TNR: variants seen among roughly 807,000 people sequenced by gnomAD.
The protein encoded by TNR is tenascin-R.
A neutral mutation model predicts 150.4 loss-of-function variants in TNR; 45 were observed. The ratio of observed to expected loss-of-function variants is 0.30; its 90% CI spans 0.24 to 0.38. The LOEUF (loss-of-function observed/expected upper bound fraction) is 0.38, where lower values mean the gene tolerates loss of function less well. Ranked by LOEUF, TNR falls within the 10% of genes least tolerant of loss-of-function variation. The pLI is 1.00. For missense variants in TNR, 1,544 were observed against 1,759.1 expected (o/e 0.88, Z 2.19); for synonymous variants, 687 against 678.4 (o/e 1.01, Z -0.20).
intron 12 of TNR, 57 bp downstream of exon 12, chr1:175,364,953 T>G (rs1651762292): frequency 6.5e-7 from 1 of 1,532,354 alleles, no homozygotes; most frequent in Admixed American, 2.1e-5. Flanking sequence ...CATTGATTTG[T>G]CAAAGGCTAC....
chr1:175,501,633 A>G (rs867079210), intron 2 of TNR, among the ~76,000 whole-genome samples: 4 of 152,250 alleles, frequency 2.6e-5, no homozygotes, highest in African/African-American at 7.2e-5. Flanking sequence ...AGTAGAAGAC[A>G]AATACGGCCA....
At chr1:175,404,767 A>G (rs568486218) in intron 3 of TNR, among the ~76,000 whole-genome samples, 32 of 152,252 alleles carry the variant, frequency 2.1e-4, no homozygotes, top group Non-Finnish European at 3.8e-4. Flanking sequence ...GTCCATGCTC[A>G]TGGAAACCTA....
intron 2 of TNR, among the ~76,000 whole-genome samples, chr1:175,494,988 A>G (rs1658423998): frequency 6.6e-6 from 1 of 152,208 alleles, no homozygotes; most frequent in Non-Finnish European, 1.5e-5. Flanking sequence ...CTTCATGTAC[A>G]GGAGACCTCT....
chr1:175,563,521 A>G (rs1277310456), intron 1 of TNR, among the ~76,000 whole-genome samples: 3 of 152,164 alleles, frequency 2.0e-5, no homozygotes, highest in East Asian at 1.9e-4. Context: ...CACAAGCCCA[A>G]TTTCTCCCTT....
chr1:175,705,866 C>T (rs2101930909), intron 1 of TNR, among the ~76,000 whole-genome samples: 1 of 152,216 alleles, frequency 6.6e-6, no homozygotes, highest in South Asian at 2.1e-4. Flanking sequence ...ATTAGATATC[C>T]ACTAAGTTCT....
At chr1:175,555,880 T>G (rs1661138357) in intron 1 of TNR, among the ~76,000 whole-genome samples, 1 of 152,234 alleles carries the variant, frequency 6.6e-6, no homozygotes, top group Non-Finnish European at 1.5e-5. Context: ...TGTGTGGCTA[T>G]AAGATTATCA....
At chr1:175,684,105 G>A (rs190021781) in intron 1 of TNR, among the ~76,000 whole-genome samples, 2 of 152,342 alleles carry the variant, frequency 1.3e-5, no homozygotes, top group African/African-American at 4.8e-5. Context: ...TCTGTGCTGG[G>A]TGTGTGCATC....
At chr1:175,521,692 T>C (rs1375634571) in intron 2 of TNR, among the ~76,000 whole-genome samples, 1 of 152,196 alleles carries the variant, frequency 6.6e-6, no homozygotes, top group Non-Finnish European at 1.5e-5. Context: ...TGAGGTGTCA[T>C]GCTCATTTGG....
Position 175,355,515 on chromosome 1 carries a change from A to G in TNR, c.3237T>C (p.Asp1079=), listed in dbSNP as rs2228359. 1,109,828 of 1,613,486 alleles carry G rather than the reference A, an allele frequency of 0.69. 383,955 individuals are homozygous for G. Among genetic ancestry groups the G allele is most frequent in the East Asian group, 0.83 (37,395 of 44,864 alleles). The change falls in exon 17 of 23, where the codon GAT becomes GAC. Residue 1079 remains aspartate, a synonymous_variant. Coordinates refer to ENST00000367674, the MANE Select transcript of TNR (RefSeq NM_003285.3). ...AGCAAAATCTCACCTTGCGGCTTCC[A>G]TCGGTGGATTTGTAGGTCAAGACAT... ...ENYVLTYKST[D]GSRKELIVDA...
chr1:175,438,123 T>A (rs57443533), intron 2 of TNR, among the ~76,000 whole-genome samples: 31,986 of 151,810 alleles, frequency 0.21, 4,115 homozygotes, highest in African/African-American at 0.37. Context: ...GATGCAAAAA[T>A]CCTCAATAAA....
chr1:175,330,973 G>A (rs565811307), intron 20 of TNR, among the ~76,000 whole-genome samples: 16 of 151,798 alleles, frequency 1.1e-4, no homozygotes, highest in Non-Finnish European at 2.4e-4. Context: ...CCCCAGGTTA[G>A]GCAGAGTCCA....
At chr1:175,540,763 T>C (rs1660470709) in intron 1 of TNR, among the ~76,000 whole-genome samples, 1 of 152,072 alleles carries the variant, frequency 6.6e-6, no homozygotes, top group Non-Finnish European at 1.5e-5. Context: ...GTTCACCGCC[T>C]CTACCTCCTT....
At chr1:175,376,860 TTATATA>T (rs371694471) in intron 9 of TNR, among the ~76,000 whole-genome samples, 10 of 113,708 alleles carry the variant, frequency 8.8e-5, no homozygotes, top group Non-Finnish European at 1.7e-4. Flanking sequence ...AAATGTAATA[TTATATA>T]TATATATATA....
At chr1:175,708,340 C>A (rs975516566) in intron 1 of TNR, among the ~76,000 whole-genome samples, 24 of 152,162 alleles carry the variant, frequency 1.6e-4, no homozygotes, top group African/African-American at 5.6e-4. Flanking sequence ...GAATAATGAT[C>A]TGATGCCTAG....
In TNR at chr1:175,386,156, C is replaced by A; in HGVS notation, c.1653G>T (p.Arg551=). The change falls in exon 8 of 23, where the codon CGG becomes CGT. Residue 551 remains arginine, a synonymous_variant. Coordinates refer to ENST00000367674, the MANE Select transcript of TNR (RefSeq NM_003285.3). ...AGTATTGGCTCAGGGGAGGCTGCAG[C>A]CGGAAGGTGGTCCTCCCACCTTCCC... The part of the protein sequence containing the change: ...VGGEGGRTTF[R]LQPPLSQYSV... 1 of 1,612,962 alleles carries A rather than the reference C, an allele frequency of 6.2e-7. No homozygotes were observed.
intron 1 of TNR, among the ~76,000 whole-genome samples, chr1:175,586,409 T>A (rs187184625): frequency 6.6e-6 from 1 of 152,320 alleles, no homozygotes; most frequent in South Asian, 2.1e-4. Context: ...CAAGCGATTC[T>A]CCTGCCTCAG....
At chr1:175,569,054 G>A (rs1409697965) in intron 1 of TNR, among the ~76,000 whole-genome samples, 3 of 152,068 alleles carry the variant, frequency 2.0e-5, no homozygotes, top group African/African-American at 7.2e-5. Flanking sequence ...CCGGGAAGGA[G>A]AGGAAACACA....
At chr1:175,579,500 A>G (rs1482191403) in intron 1 of TNR, among the ~76,000 whole-genome samples, 2 of 151,930 alleles carry the variant, frequency 1.3e-5, no homozygotes, top group East Asian at 3.9e-4. Flanking sequence ...CATTTGGGCA[A>G]TGGCGATTAG....
chr1:175,338,082 C>G (rs918794733), intron 18 of TNR, among the ~76,000 whole-genome samples: 1 of 152,210 alleles, frequency 6.6e-6, no homozygotes, highest in Admixed American at 6.5e-5. Flanking sequence ...GCAATGATTA[C>G]AGATGCATGG....
Sources: gnomAD v4.1 joint callset for allele counts (sites outside exome capture counted in the v4.1 genomes callset) on GRCh38, gnomAD v4.1.1 for gene constraint, MANE v1.5 for transcripts, NCBI Gene and HGNC (gene_info 2026-07-23, HGNC 2026-07-21) for gene names.